Variants in COL4A4 observed in about 807,000 individuals in gnomAD.
COL4A4 encodes collagen alpha-4(IV) chain.
COL4A4 carries 105 observed loss-of-function variants against 192.9 expected under a neutral mutation model. That is an observed-to-expected ratio of 0.54 (90% confidence interval 0.46 to 0.64). The LOEUF (loss-of-function observed/expected upper bound fraction) is 0.64. Ranked by LOEUF, COL4A4 falls within the 30% of genes least tolerant of loss-of-function variation. The pLI is 0.00. For synonymous variants in COL4A4, 762 were observed against 769.9 expected (o/e 0.99, Z 0.17); for missense variants, 1,967 against 2,169.3 (o/e 0.91, Z 1.85).
At chr2:227,093,050 T>C (rs1429975390) in intron 20 of COL4A4, among the ~76,000 whole-genome samples, 1 of 152,172 alleles carries the variant, frequency 6.6e-6, no homozygotes, top group Non-Finnish European at 1.5e-5. Context: ...CCATGCCTTG[T>C]AGAACAGTTT....
intron 12 of COL4A4, 88 bp downstream of exon 12, chr2:227,108,493 T>A: frequency 7.6e-7 from 1 of 1,319,378 alleles, no homozygotes; most frequent in Non-Finnish European, 1.1e-6. Flanking sequence ...AGATAATGAG[T>A]ACAAGTTCAA....
intron 45 of COL4A4, among the ~76,000 whole-genome samples, chr2:227,010,908 A>T (rs144609016): frequency 4.3e-4 from 65 of 152,342 alleles, no homozygotes; most frequent in African/African-American, 1.5e-3. Flanking sequence ...CCCCAGACTG[A>T]ACTGCTGAGC....
chr2:227,103,394 T>C (rs1197025786), intron 13 of COL4A4, among the ~76,000 whole-genome samples, 197 bp from the exon 14 acceptor site: 1 of 152,200 alleles, frequency 6.6e-6, no homozygotes, highest in Non-Finnish European at 1.5e-5. Context: ...GTGAGAGGTA[T>C]ATGGGATACC....
intron 37 of COL4A4, 42 bp downstream of exon 37, chr2:227,042,106 G>T: frequency 8.0e-7 from 1 of 1,249,672 alleles, no homozygotes; most frequent in Non-Finnish European, 1.2e-6. Context: ...TGCCCTCATT[G>T]GGCTGCATCT....
At chr2:227,064,517 A>G (rs2058174848) in intron 25 of COL4A4, among the ~76,000 whole-genome samples, 1 of 152,242 alleles carries the variant, frequency 6.6e-6, no homozygotes, top group East Asian at 1.9e-4. Flanking sequence ...AGATATCCAA[A>G]GCCAAGAAGC....
intron 4 of COL4A4, among the ~76,000 whole-genome samples, chr2:227,133,970 A>C (rs1174344181): frequency 6.6e-6 from 1 of 152,178 alleles, no homozygotes; most frequent in Admixed American, 6.5e-5. Context: ...ATAGCTGAAG[A>C]TTCAGGCTTT....
Position 227,138,133 on chromosome 2 carries a change from A to AAATAATAATAATAATAAT in COL4A4, c.192+2010_192+2027dup, listed in dbSNP as rs35550127. ...AAACACAGCAAGACTCCACCTCTAC[A>AAATAATAATAATAATAAT]AATAATAATAATAATAATAATAATC... is the stretch of plus-strand genomic sequence containing the variant. On this transcript the variant is annotated intron_variant, in intron 4 of 47. Coordinates refer to ENST00000396625, the MANE Select transcript of COL4A4 (RefSeq NM_000092.5). Among the ~76,000 whole-genome samples the AAATAATAATAATAATAAT allele has an allele frequency of 2.7e-3, 391 of 147,176 alleles. 2 individuals carry two copies. The highest frequency in any genetic ancestry group is 7.3e-3 in the African/African-American group (288 of 39,516).
chr2:227,053,808 A>C (rs1053148685), intron 31 of COL4A4, among the ~76,000 whole-genome samples: 4 of 151,800 alleles, frequency 2.6e-5, no homozygotes, highest in African/African-American at 9.7e-5. Flanking sequence ...GGCCTCCCAA[A>C]GTGCTGGGAT....
At chr2:227,120,542 T>C (rs2061718580) in intron 5 of COL4A4, among the ~76,000 whole-genome samples, 1 of 152,116 alleles carries the variant, frequency 6.6e-6, no homozygotes, top group South Asian at 2.1e-4. Flanking sequence ...CAGAAGAGCA[T>C]GCTCCTCTGG....
intron 35 of COL4A4, among the ~76,000 whole-genome samples, chr2:227,045,794 AT>A (rs1250763045): frequency 1.9e-5 from 1 of 51,400 alleles, no homozygotes; most frequent in Non-Finnish European, 3.4e-5. Context: ...ATATATATAT[AT>A]ATACACATAT....
chr2:227,037,419 C>A (rs1969904779), intron 37 of COL4A4, among the ~76,000 whole-genome samples: 1 of 152,272 alleles, frequency 6.6e-6, no homozygotes, highest in Middle Eastern at 3.4e-3. Flanking sequence ...ATGCACTCAT[C>A]CTTTTTTTAT....
chr2:227,145,896 C>A (rs2063517699), intron 2 of COL4A4, among the ~76,000 whole-genome samples: 1 of 152,066 alleles, frequency 6.6e-6, no homozygotes, highest in Non-Finnish European at 1.5e-5. Context: ...TTGTAGTAAC[C>A]AAATAAATAA....
chr2:226,995,863 C>T, the COL4A4 span: 45 of 252,094 alleles, frequency 1.8e-4, no homozygotes, highest in African/African-American at 9.9e-4. Context: ...GTTTTACTTA[C>T]ACCAGTCGGG....
chr2:226,991,800 A>G, the COL4A4 span, among the ~76,000 whole-genome samples: 2 of 152,234 alleles, frequency 1.3e-5, no homozygotes, highest in Non-Finnish European at 2.9e-5. Context: ...GTCAAACTTC[A>G]GAATCATGGA....
intron 47 of COL4A4, 73 bp from the exon 48 acceptor site, chr2:227,007,661 C>G: frequency 6.3e-7 from 1 of 1,591,588 alleles, no homozygotes; most frequent in Non-Finnish European, 8.6e-7. Flanking sequence ...GGGACACACC[C>G]AGGTTTGGGT....
intron 4 of COL4A4, among the ~76,000 whole-genome samples, chr2:227,127,451 G>A (rs1348991937): frequency 6.6e-6 from 1 of 152,238 alleles, no homozygotes; most frequent in Non-Finnish European, 1.5e-5. Flanking sequence ...ACACAGAACC[G>A]CCGGCCTCCC....
chr2:227,117,748 G>C (rs892628936), intron 7 of COL4A4, among the ~76,000 whole-genome samples: 1 of 151,972 alleles, frequency 6.6e-6, no homozygotes, highest in African/African-American at 2.4e-5. Context: ...GGGAATATGG[G>C]GGGTAGCTCT....
chr2:227,051,846 A>C (rs965314658), intron 32 of COL4A4, among the ~76,000 whole-genome samples: 2 of 152,190 alleles, frequency 1.3e-5, no homozygotes, highest in Admixed American at 1.3e-4. Flanking sequence ...AAATTTTAGC[A>C]TGGAGAAGCA....
intron 37 of COL4A4, among the ~76,000 whole-genome samples, chr2:227,041,842 A>AGAG (rs1559477918): frequency 3.2e-5 from 2 of 62,760 alleles, no homozygotes; most frequent in African/African-American, 8.6e-5. Flanking sequence ...GAAAGAAAGA[A>AGAG]AGAAAGAGAA....
Sources: gnomAD v4.1 joint callset for allele counts (sites outside exome capture counted in the v4.1 genomes callset) on GRCh38, gnomAD v4.1.1 for gene constraint, MANE v1.5 for transcripts, NCBI Gene and HGNC (gene_info 2026-07-23, HGNC 2026-07-21) for gene names.